The following PLEKHD1 variants were observed in gnomAD, a reference collection of about 807,000 sequenced individuals.
PLEKHD1 encodes pleckstrin homology and coiled-coil domain containing D1.
Under a neutral mutation model 69.2 loss-of-function variants are expected in PLEKHD1, and 51 were observed. The observed-to-expected ratio is 0.74, with a 90% CI of 0.59 to 0.93. The LOEUF (loss-of-function observed/expected upper bound fraction) is 0.93, where lower values mean the gene tolerates loss of function less well. Ranked by LOEUF, PLEKHD1 falls within the 40% of genes least tolerant of loss-of-function variation. The pLI is 0.00. For synonymous variants in PLEKHD1, 236 were observed against 244.7 expected, an observed-to-expected ratio of 0.96 and a Z score of 0.33; for missense variants, 584 against 641.0, an observed-to-expected ratio of 0.91 and a Z score of 0.96.
At chr14:69,483,074 ACCT>A (rs960090478), upstream of PLEKHD1, among the ~76,000 whole-genome samples, 8 of 151,948 alleles carry the variant, frequency 5.3e-5, no homozygotes, top group Non-Finnish European at 1.0e-4. Context: ...TCCCAGTCCC[ACCT>A]CCTCCCACCT....
At chr14:69,526,878 T>G in intron 10 of PLEKHD1, 49 bp downstream of exon 10, 1 of 1,482,036 alleles carries the variant, frequency 6.7e-7, no homozygotes, top group Non-Finnish European at 9.0e-7. Flanking sequence ...CCCTGGAGAC[T>G]CCCCTTCCAC....
the PLEKHD1 span, among the ~76,000 whole-genome samples, chr14:69,478,204 C>T: frequency 6.6e-6 from 1 of 152,214 alleles, no homozygotes; most frequent in African/African-American, 2.4e-5. Context: ...CTACGTTGTC[C>T]CCTTTCAGCC....
intron 12 of PLEKHD1, 35 bp downstream of exon 12, chr14:69,527,967 G>T: frequency 2.6e-6 from 4 of 1,550,542 alleles, no homozygotes; most frequent in Non-Finnish European, 3.5e-6. Context: ...TGGTGGGATG[G>T]TGACAAGGCA....
chr14:69,480,708 A>C (rs1211592212), upstream of PLEKHD1, among the ~76,000 whole-genome samples: 1 of 151,916 alleles, frequency 6.6e-6, no homozygotes, highest in Non-Finnish European at 1.5e-5. Context: ...GCTGGAGTGC[A>C]ATGGCACAAT....
At chr14:69,492,928 C>G (rs577869706) in intron 1 of PLEKHD1, among the ~76,000 whole-genome samples, 138 of 152,224 alleles carry the variant, frequency 9.1e-4, no homozygotes, top group African/African-American at 3.1e-3. Context: ...AGCTACCATA[C>G]CCAGCTAATT....
rs762304696 is a variant in PLEKHD1, at chr14:69,502,846, C to T, written c.522C>T (p.Thr174=). Residue 174 remains threonine (T), a synonymous_variant, in exon 6 of 13, where the codon ACC becomes ACT. Coordinates refer to ENST00000322564, the MANE Select transcript of PLEKHD1 (RefSeq NM_001161498.2). ...TGGCAGACAAACTGATGGAAGAGAC[C>T]GAAGAACTCTGCCTTCAGAGGGAGC... ...QEYLDKLMEE[T]EELCLQREQR... The T allele has an allele frequency of 4.5e-6, 7 of 1,551,386 alleles. No homozygotes were observed. Among genetic ancestry groups the T allele is most frequent in the South Asian group, 2.4e-5 (2 of 84,048 alleles).
intron 1 of PLEKHD1, among the ~76,000 whole-genome samples, chr14:69,486,299 C>G (rs183336553): frequency 6.6e-6 from 1 of 152,208 alleles, no homozygotes; most frequent in African/African-American, 2.4e-5. Flanking sequence ...GACCGCAGAA[C>G]AAATGGAGCT....
chr14:69,507,546 G>A (rs1883179157), intron 6 of PLEKHD1, among the ~76,000 whole-genome samples: 1 of 152,180 alleles, frequency 6.6e-6, no homozygotes, highest in African/African-American at 2.4e-5. Flanking sequence ...TTGTTGGATT[G>A]CATGGTGAAA....
intron 6 of PLEKHD1, among the ~76,000 whole-genome samples, chr14:69,512,482 ATTGAT>A (rs1883292339): frequency 6.6e-6 from 1 of 150,650 alleles, no homozygotes; most frequent in African/African-American, 2.4e-5. Flanking sequence ...AGCTTAGATT[ATTGAT>A]TTTAGATATT....
intron 1 of PLEKHD1, among the ~76,000 whole-genome samples, chr14:69,498,246 T>G (rs1232882745): frequency 1.3e-5 from 2 of 151,584 alleles, no homozygotes; most frequent in Non-Finnish European, 2.9e-5. Context: ...ACCTGGCTGA[T>G]TTTTGTATTT....
rs1050037071 is a variant in PLEKHD1 at position 69,485,120 on chromosome 14, T to G, written c.149+6T>G. On this transcript the variant is annotated splice_donor_region_variant and intron_variant, in intron 1 of 12. Transcript: ENST00000322564. ...TCGGCCAAGTGGTCCCGGCGGTGAGTGCGCCCCCGCGCCCCAAGGAGACCG... is the reference window on the plus strand; with the variant it reads ...TCGGCCAAGTGGTCCCGGCGGTGAGGGCGCCCCCGCGCCCCAAGGAGACCG... The G allele has an allele frequency of 1.3e-6, 2 of 1,547,946 alleles. No homozygotes were observed. The highest frequency in any genetic ancestry group is 2.7e-5 in the African/African-American group (2 of 72,924).
intron 8 of PLEKHD1, 47 bp from the exon 9 acceptor site, chr14:69,525,897 G>A: frequency 6.6e-7 from 1 of 1,522,650 alleles, no homozygotes; most frequent in East Asian, 2.5e-5. Context: ...AGCCACGATG[G>A]AGAACCTAAA....
rs948414196 is a variant in PLEKHD1 at position 69,501,737 on chromosome 14, C to A, written c.414C>A (p.Thr138=). 255 of 1,550,894 alleles carry A rather than the reference C, an allele frequency of 1.6e-4. No individual in the cohort carries two copies. The highest frequency in any genetic ancestry group is 2.1e-4 in the Non-Finnish European group (240 of 1,146,580). ...CCCATCTGCCCTCCCTCCCCAGGACCTGGAAGAATGCCCAGCTGGGAGAAG... is the reference window on the plus strand; with the variant it reads ...CCCATCTGCCCTCCCTCCCCAGGACATGGAAGAATGCCCAGCTGGGAGAAG... ...LEMLQESGKV[T]WKNAQLGEAM... Residue 138 remains threonine, a synonymous_variant, in exon 5 of 13, where the codon ACC becomes ACA. Coordinates refer to ENST00000322564, the MANE Select transcript of PLEKHD1 (RefSeq NM_001161498.2).
chr14:69,520,346 G>C (rs1883485927), intron 6 of PLEKHD1, among the ~76,000 whole-genome samples: 1 of 151,964 alleles, frequency 6.6e-6, no homozygotes, highest in African/African-American at 2.4e-5. Flanking sequence ...GGCTATAAAG[G>C]GGTTTATCAT....
At chr14:69,477,158 T>G in the PLEKHD1 span, among the ~76,000 whole-genome samples, 3 of 152,202 alleles carry the variant, frequency 2.0e-5, no homozygotes, top group African/African-American at 7.2e-5. Context: ...ATTACAGGCA[T>G]GTGCCACCAC....
At chr14:69,475,531 G>C in the PLEKHD1 span, among the ~76,000 whole-genome samples, 1 of 152,160 alleles carries the variant, frequency 6.6e-6, no homozygotes, top group Non-Finnish European at 1.5e-5. Flanking sequence ...GAGAGGGTGG[G>C]GTGGGGTAGA....
Position 69,500,590 on chromosome 14 carries a change from T to TG in PLEKHD1, c.263dup (p.Cys89LeufsTer10). The TG allele has an allele frequency of 1.3e-6, 2 of 1,550,372 alleles. No homozygotes were observed. Among genetic ancestry groups the TG allele is most frequent in the Admixed American group, 2.0e-5 (1 of 50,858 alleles). On this transcript the variant is annotated frameshift_variant, in exon 3 of 13. Coordinates refer to ENST00000322564, the MANE Select transcript of PLEKHD1 (RefSeq NM_001161498.2). LOFTEE classifies it high-confidence loss of function. ...GTTCTTCCTCAGGGCGTCATCCCTC[T>TG]GGGGGGCTGCCTGGTGGAGCCCAAG... is the stretch of plus-strand genomic sequence containing the variant.
At position 69,500,199 on chromosome 14, in the gene PLEKHD1, A is replaced by G. The variant is rs1409786580; in HGVS notation, c.234A>G (p.Ile78Met). ...TTGAAACCAATAAATACTTCAATAT[A>G]CATCCTAAGGTGAGGCGGCCCCTCC... ...KSFETNKYFN[I>M]HPKGVIPLGG... Residue 78 changes from isoleucine (I) to methionine (M), a missense_variant, in exon 2 of 13, where the codon ATA becomes ATG. By Grantham distance (10) the Ile-to-Met change is conservative. Transcript: ENST00000322564. The G allele has an allele frequency of 5.2e-6, 8 of 1,547,126 alleles. No individual in the cohort carries two copies. In the East Asian group the frequency reaches 1.7e-4, roughly 33 times the overall value.
rs1213650190 is a variant in PLEKHD1, at chr14:69,502,995, G to T, written c.555+116G>T. ...GAGGACTTGCTAGAAGATCAGATGG[G>T]GCAGGGCGGGGAGGCCAAATGGGAT... is the stretch of plus-strand genomic sequence containing the variant. On this transcript the variant is annotated intron_variant, in intron 6 of 12. Coordinates refer to ENST00000322564, the MANE Select transcript of PLEKHD1 (RefSeq NM_001161498.2). The T allele has an allele frequency of 7.7e-6, 10 of 1,294,320 alleles. No individual in the cohort carries two copies. In the Middle Eastern group the frequency reaches 7.4e-4, roughly 95 times the overall value. 80.2% of individuals were successfully genotyped at this position (1,294,320 alleles called of 1,614,324 possible).
Sources: allele counts gnomAD v4.1 joint callset (sites outside exome capture counted in the v4.1 genomes callset), GRCh38; gene constraint gnomAD v4.1.1; transcripts MANE v1.5; gene names NCBI Gene and HGNC (gene_info 2026-07-23, HGNC 2026-07-21).